The following NUDCD3 variants were observed in gnomAD, a reference collection of about 807,000 sequenced individuals.
NUDCD3 encodes the protein NudC domain containing 3.
Under a neutral mutation model 39.7 loss-of-function variants are expected in NUDCD3, and 13 were observed. The ratio of observed to expected loss-of-function variants is 0.33; its 90% CI spans 0.21 to 0.52. The LOEUF is 0.52. Ranked by LOEUF, NUDCD3 falls within the 20% of genes least tolerant of loss-of-function variation. The pLI is 0.96. For missense variants in NUDCD3, 453 were observed against 458.1 expected (o/e 0.99, Z 0.10); for synonymous variants, 175 against 172.4 (o/e 1.02, Z -0.12).
intron 2 of NUDCD3, among the ~76,000 whole-genome samples, chr7:44,475,852 G>A (rs981837097): frequency 2.0e-5 from 3 of 150,046 alleles, no homozygotes; most frequent in Non-Finnish European, 4.4e-5. Flanking sequence ...GGAAGTGAAG[G>A]GATTTTCTTT....
chr7:44,422,875 C>T (rs1052735652), intron 3 of NUDCD3, among the ~76,000 whole-genome samples: 2 of 152,192 alleles, frequency 1.3e-5, no homozygotes, highest in Admixed American at 6.5e-5. Context: ...CCCTGATGAA[C>T]GTCGATGTGA....
rs1236804743 is a variant in NUDCD3 at position 44,463,766 on chromosome 7, A to G, written c.509+21202T>C. ...GGGAGAATACTGGGCTTGAGGGATGATCAAAGGGGTCTTGAGTTTTATCTA... is the reference window on the plus strand; with the variant it reads ...GGGAGAATACTGGGCTTGAGGGATGGTCAAAGGGGTCTTGAGTTTTATCTA... On this transcript the variant is annotated intron_variant, in intron 2 of 5. Transcript: ENST00000355451. Among the ~76,000 whole-genome samples, 4 of 152,184 alleles carry G rather than the reference A, an allele frequency of 2.6e-5. No individual in the cohort carries two copies. The South Asian group carries it at 6.2e-4, about 24-fold the overall frequency.
intron 2 of NUDCD3, among the ~76,000 whole-genome samples, chr7:44,479,650 G>A (rs541405198): frequency 7.2e-5 from 11 of 152,278 alleles, no homozygotes; most frequent in African/African-American, 2.6e-4. Context: ...CGAAAAACAT[G>A]TCAAGTAAGA....
At chr7:44,484,938 A>G in intron 2 of NUDCD3, 30 bp downstream of exon 2, 1 of 1,522,954 alleles carries the variant, frequency 6.6e-7, no homozygotes, top group Non-Finnish European at 8.9e-7. Context: ...TACGCAAGAA[A>G]GAAGGAAGCT....
intron 2 of NUDCD3, among the ~76,000 whole-genome samples, chr7:44,436,758 G>A (rs961853950): frequency 6.6e-6 from 1 of 151,978 alleles, no homozygotes; most frequent in African/African-American, 2.4e-5. Context: ...CACTATTTTT[G>A]TCTGTAATTT....
chr7:44,483,440 G>A (rs893105661), intron 2 of NUDCD3, among the ~76,000 whole-genome samples: 1 of 152,200 alleles, frequency 6.6e-6, no homozygotes, highest in African/African-American at 2.4e-5. Flanking sequence ...ACTATCAGCA[G>A]ATCTGCACTA....
intron 3 of NUDCD3, among the ~76,000 whole-genome samples, chr7:44,423,089 CA>C (rs1192371872): frequency 6.6e-6 from 1 of 152,200 alleles, no homozygotes; most frequent in Non-Finnish European, 1.5e-5. Context: ...TAAAATTCAA[CA>C]CCCCTTCATG....
intron 2 of NUDCD3, among the ~76,000 whole-genome samples, chr7:44,447,316 T>C (rs1799706673): frequency 6.6e-6 from 1 of 152,204 alleles, no homozygotes; most frequent in South Asian, 2.1e-4. Context: ...CAACAAACAC[T>C]GTAACGAAGG....
At chr7:44,468,002 C>T (rs776726758) in intron 2 of NUDCD3, 13 of 1,612,332 alleles carry the variant, frequency 8.1e-6, no homozygotes, top group South Asian at 6.6e-5. Context: ...GCGTAACTGG[C>T]GGAAACCCAG....
At chr7:44,390,873 G>A (rs918382328) in intron 5 of NUDCD3, among the ~76,000 whole-genome samples, 2 of 152,228 alleles carry the variant, frequency 1.3e-5, no homozygotes, top group East Asian at 3.8e-4. Flanking sequence ...AAGCACCTGA[G>A]CTGAGCTCAG....
intron 3 of NUDCD3, among the ~76,000 whole-genome samples, chr7:44,411,843 A>G (rs540609763): frequency 6.6e-6 from 1 of 152,266 alleles, no homozygotes; most frequent in African/African-American, 2.4e-5. Flanking sequence ...AACTGGAAGC[A>G]TATGTCCATG....
chr7:44,405,095 G>C (rs1450138050), intron 3 of NUDCD3, among the ~76,000 whole-genome samples: 1 of 152,196 alleles, frequency 6.6e-6, no homozygotes, highest in East Asian at 1.9e-4. Context: ...GCACTGCCTG[G>C]TTGACTATAG....
At chr7:44,418,206 C>T (rs1799064064) in intron 3 of NUDCD3, among the ~76,000 whole-genome samples, 1 of 152,210 alleles carries the variant, frequency 6.6e-6, no homozygotes, top group South Asian at 2.1e-4. Flanking sequence ...CACACCTACC[C>T]AGCCGAGGCA....
rs1011664287 is a variant in NUDCD3, at chr7:44,381,085, T to A, written c.*4926A>T. On this transcript the variant is annotated 3_prime_UTR_variant, in exon 6 of 6. Transcript: ENST00000355451. ...AGTGCAGCGGCAATGTCTGGGTTGT[T>A]GAGGGTTTTGATGGGTGATCAATGC... 1 of 152,328 alleles carries A rather than the reference T, an allele frequency of 6.6e-6. No homozygotes were observed. Among genetic ancestry groups the A allele is most frequent in the African/African-American group, 2.4e-5 (1 of 41,456 alleles). 9.4% of individuals were successfully genotyped at this position (152,328 alleles called of 1,614,324 possible). A position where few individuals can be genotyped will look rare whatever the true frequency, so the allele number is the denominator to read the frequency against.
intron 3 of NUDCD3, among the ~76,000 whole-genome samples, chr7:44,415,861 CCA>C (rs1401382586): frequency 6.6e-6 from 1 of 152,082 alleles, no homozygotes. Flanking sequence ...CCCATAGGTG[CCA>C]CAGACAAAAA....
chr7:44,443,348 T>C (rs1183089783), intron 2 of NUDCD3, among the ~76,000 whole-genome samples: 2 of 152,212 alleles, frequency 1.3e-5, no homozygotes, highest in East Asian at 3.9e-4. Flanking sequence ...TTAAACAAGA[T>C]TCAAGTAGCC....
chr7:44,443,004 C>A (rs921788277), intron 2 of NUDCD3, among the ~76,000 whole-genome samples: 30 of 152,136 alleles, frequency 2.0e-4, no homozygotes, highest in Non-Finnish European at 3.7e-4. Context: ...ACCTGGCCTC[C>A]CCTTTTCTTT....
intron 4 of NUDCD3, among the ~76,000 whole-genome samples, chr7:44,401,562 G>C (rs903901224): frequency 3.9e-5 from 6 of 152,314 alleles, no homozygotes; most frequent in African/African-American, 1.4e-4. Context: ...AGGTGAAGGT[G>C]CATTAGGAAC....
Position 44,381,432 on chromosome 7 carries a change from T to C in NUDCD3, c.*4579A>G, listed in dbSNP as rs1035477928. On this transcript the variant is annotated 3_prime_UTR_variant, in exon 6 of 6. Transcript: ENST00000355451. ...TGAGGAGGCTGCTCCAAGAAGCAAA[T>C]AGGAGACAAGGAACCACTGGCCTGC... 2 of 152,168 alleles carry C rather than the reference T, an allele frequency of 1.3e-5. No individual in the cohort carries two copies. The highest frequency in any genetic ancestry group is 4.8e-5 in the African/African-American group (2 of 41,390). The allele number at this position is 152,168 out of a possible 1,614,324, so 9.4% of individuals were successfully genotyped here.
Sources: allele counts gnomAD v4.1 joint callset (sites outside exome capture counted in the v4.1 genomes callset), GRCh38; gene constraint gnomAD v4.1.1; transcripts MANE v1.5; gene names NCBI Gene and HGNC (gene_info 2026-07-23, HGNC 2026-07-21).